The following PPP4R3B variants were observed in gnomAD, a reference collection of about 807,000 sequenced individuals.
PPP4R3B encodes serine/threonine-protein phosphatase 4 regulatory subunit 3B.
PPP4R3B carries 52 observed loss-of-function variants against 95.4 expected under a neutral mutation model. The ratio of observed to expected loss-of-function variants is 0.54; its 90% CI spans 0.44 to 0.69. The LOEUF is 0.69. PPP4R3B is among the 30% of genes least tolerant of loss of function. PPP4R3B has a pLI of 0.00. For synonymous variants in PPP4R3B, 407 were observed against 343.9 expected (o/e 1.18, Z -2.03); for missense variants, 1,003 against 1,005.9 (o/e 1.00, Z 0.04).
At chr2:55,582,288 A>C (rs1689548218) in intron 7 of PPP4R3B, among the ~76,000 whole-genome samples, 1 of 152,140 alleles carries the variant, frequency 6.6e-6, no homozygotes, top group Admixed American at 6.5e-5. Context: ...ATTGAAACGG[A>C]GTCTCGTTCT....
At position 55,554,096 on chromosome 2, in the gene PPP4R3B, A is replaced by G. The variant is rs72803533; in HGVS notation, c.2455-4090T>C. On this transcript the variant is annotated intron_variant, in intron 16 of 16. Coordinates refer to ENST00000616407, the MANE Select transcript of PPP4R3B (RefSeq NM_001122964.3). The stretch of plus-strand genomic sequence containing the variant: ...TTTTTATATATTTATTTTTTGAGAC[A>G]TTGTCTTAGAGACTCGAAAGTGCAG... Among the ~76,000 whole-genome samples the G allele has an allele frequency of 1.6e-3, 245 of 152,296 alleles. 2 individuals are homozygous for G. In the Middle Eastern group the frequency reaches 0.024, roughly 15 times the overall value.
intron 1 of PPP4R3B, 28 bp downstream of exon 1, chr2:55,617,116 C>T: frequency 1.3e-6 from 2 of 1,590,746 alleles, no homozygotes; most frequent in Non-Finnish European, 8.6e-7. Context: ...AGGCACTATC[C>T]CCTATTCTAC....
intron 3 of PPP4R3B, 76 bp from the exon 4 acceptor site, chr2:55,599,115 G>A: frequency 7.6e-7 from 1 of 1,312,762 alleles, no homozygotes; most frequent in Non-Finnish European, 1.0e-6. Flanking sequence ...AAATCATTTG[G>A]AAATGCCTGG....
chr2:55,563,751 G>A (rs1686928693), intron 15 of PPP4R3B, among the ~76,000 whole-genome samples: 1 of 152,202 alleles, frequency 6.6e-6, no homozygotes, highest in Non-Finnish European at 1.5e-5. Context: ...TCAGGCCACA[G>A]AAGTAAAATG....
chr2:55,588,064 A>G (rs974822392), intron 5 of PPP4R3B, among the ~76,000 whole-genome samples: 4 of 152,200 alleles, frequency 2.6e-5, no homozygotes, highest in Non-Finnish European at 5.9e-5. Context: ...AAAATGTCAA[A>G]CATCTGGCAA....
intron 4 of PPP4R3B, 143 bp from the exon 5 acceptor site, chr2:55,589,099 T>C: frequency 1.8e-6 from 1 of 555,650 alleles, no homozygotes; most frequent in Non-Finnish European, 3.1e-6. Context: ...TATTTCTGTG[T>C]TACAATTTTC....
intron 16 of PPP4R3B, among the ~76,000 whole-genome samples, chr2:55,550,337 T>C (rs986822603): frequency 7.9e-5 from 12 of 152,184 alleles, no homozygotes; most frequent in African/African-American, 2.4e-4. Flanking sequence ...GGAAAGGACA[T>C]TGGAGATGAA....
intron 4 of PPP4R3B, 53 bp from the exon 5 acceptor site, chr2:55,589,009 C>T: frequency 2.7e-6 from 3 of 1,107,926 alleles, no homozygotes; most frequent in Non-Finnish European, 4.0e-6. Context: ...TAAAGTTATA[C>T]TCATTTATAT....
At chr2:55,555,261 C>G (rs1437213903) in intron 16 of PPP4R3B, among the ~76,000 whole-genome samples, 1 of 101,422 alleles carries the variant, frequency 9.9e-6, no homozygotes. Flanking sequence ...GCCTGGGCAA[C>G]AGAACAAGAC....
chr2:55,617,534 GC>G lies in PPP4R3B; in HGVS notation c.-250del, dbSNP rs1212921445. On this transcript the variant is annotated 5_prime_UTR_variant, in exon 1 of 17. Transcript: ENST00000616407. ...CATACACCCACTCTCCCGTCTCTTT[GC>G]CCCCCAGGGCTCGCTTGCTCTCCCG... 1.6e-4 allele frequency: 62 copies of G among 393,684 alleles called. No individual in the cohort carries two copies. Among genetic ancestry groups the G allele is most frequent in the East Asian group, 1.2e-3 (29 of 24,900 alleles). The allele number at this position is 393,684 out of a possible 1,614,324, so 24.4% of individuals were successfully genotyped here. A position where few individuals can be genotyped will look rare whatever the true frequency, so the allele number is the denominator to read the frequency against.
In PPP4R3B at chr2:55,598,613, A is replaced by T; in HGVS notation, c.724T>A (p.Leu242Met). Reference protein sequence around the residue: ...LAQPKRHREFLTKTAKFKEVI... With the variant: ...LAQPKRHREFMTKTAKFKEVI... The stretch of plus-strand genomic sequence containing the variant: ...TCCTTGAACTTTGCAGTTTTGGTCA[A>T]GAATTCTCTATGTCTTTTTGGCTGA... Residue 242 changes from leucine to methionine, a missense_variant, in exon 4 of 17, where the codon TTG becomes ATG. Coordinates refer to ENST00000616407, the MANE Select transcript of PPP4R3B (RefSeq NM_001122964.3). The T allele has an allele frequency of 6.2e-7, 1 of 1,614,200 alleles. No individual in the cohort carries two copies. Among genetic ancestry groups the T allele is most frequent in the Admixed American group, 1.7e-5 (1 of 60,024 alleles).
chr2:55,593,429 T>C (rs752060162), intron 4 of PPP4R3B, among the ~76,000 whole-genome samples: 2 of 152,168 alleles, frequency 1.3e-5, no homozygotes, highest in Non-Finnish European at 2.9e-5. Context: ...TCGGCCCAGT[T>C]ACATAAAATT....
intron 4 of PPP4R3B, among the ~76,000 whole-genome samples, chr2:55,592,781 A>T (rs951048610): frequency 3.9e-5 from 6 of 152,246 alleles, no homozygotes; most frequent in African/African-American, 1.4e-4. Context: ...ATTTCTAGTA[A>T]GGAGAGAAAT....
intron 12 of PPP4R3B, among the ~76,000 whole-genome samples, chr2:55,571,408 T>A (rs1687980861): frequency 6.6e-6 from 1 of 152,070 alleles, no homozygotes; most frequent in Admixed American, 6.5e-5. Flanking sequence ...AATAGGAAAA[T>A]CTGTCTTAAG....
At chr2:55,592,759 C>T (rs1691213211) in intron 4 of PPP4R3B, among the ~76,000 whole-genome samples, 1 of 152,154 alleles carries the variant, frequency 6.6e-6, no homozygotes, top group African/African-American at 2.4e-5. Context: ...TTTGAGATTC[C>T]TATCCTCCAT....
At chr2:55,589,017 T>C in intron 4 of PPP4R3B, 61 bp from the exon 5 acceptor site, 3 of 1,004,264 alleles carry the variant, frequency 3.0e-6, no homozygotes, top group Non-Finnish European at 4.5e-6. Flanking sequence ...TACTCATTTA[T>C]ATGACTTACA....
intron 5 of PPP4R3B, 150 bp downstream of exon 5, chr2:55,588,729 T>A (rs1317152252): frequency 3.8e-6 from 2 of 532,792 alleles, no homozygotes; most frequent in East Asian, 5.8e-5. Context: ...AAACTCTGAA[T>A]AATCATTTCA....
chr2:55,604,621 AG>A (rs763336284), intron 2 of PPP4R3B, among the ~76,000 whole-genome samples: 5 of 152,120 alleles, frequency 3.3e-5, no homozygotes, highest in African/African-American at 4.8e-5. Flanking sequence ...TGCTACCAAC[AG>A]CACCCAGTTC....
intron 16 of PPP4R3B, 56 bp downstream of exon 16, chr2:55,558,719 G>T (rs950976695): frequency 7.6e-7 from 1 of 1,323,286 alleles, no homozygotes; most frequent in Non-Finnish European, 1.0e-6. Context: ...CAGTAAACAT[G>T]AAAAAATCTC....
Sources: allele counts gnomAD v4.1 joint callset (sites outside exome capture counted in the v4.1 genomes callset), GRCh38; gene constraint gnomAD v4.1.1; transcripts MANE v1.5; gene names NCBI Gene and HGNC (gene_info 2026-07-23, HGNC 2026-07-21).